Variants in ANKRD42 observed in about 807,000 individuals in gnomAD.
ANKRD42 encodes the protein ankyrin repeat domain-containing protein 42.
ANKRD42 carries 43 observed loss-of-function variants against 51.5 expected under a neutral mutation model. That is an observed-to-expected ratio of 0.83 (90% CI 0.65 to 1.08). ANKRD42 has a LOEUF of 1.08. Among genes scored for constraint, ANKRD42 ranks in the 50% least tolerant of loss-of-function variants. The pLI, the probability that ANKRD42 is intolerant of heterozygous loss-of-function variation, is 0.00. For synonymous variants in ANKRD42, 203 were observed against 213.0 expected (o/e 0.95, Z 0.41); for missense variants, 608 against 629.3 (o/e 0.97, Z 0.36).
intron 5 of ANKRD42, among the ~76,000 whole-genome samples, chr11:83,220,291 T>C (rs1029691837): frequency 5.9e-5 from 9 of 152,224 alleles, no homozygotes; most frequent in Non-Finnish European, 2.9e-5. Context: ...CCTGTGTCTT[T>C]AGTCTGGCGG....
Position 83,240,724 on chromosome 11 carries a change from T to C in ANKRD42, c.1020-35T>C, listed in dbSNP as rs374066723. 1.9e-6 allele frequency: 3 copies of C among 1,610,002 alleles called. No individual in the cohort carries two copies. In the African/African-American group the frequency reaches 4.0e-5, roughly 22 times the overall value. On this transcript the variant is annotated intron_variant, in intron 8 of 10. Coordinates refer to ENST00000533342, the MANE Select transcript of ANKRD42 (RefSeq NM_001300975.2). ...GCTGCAGTTTCAGTTTGAAGAAGATTGTGGATCTGGTTAGTTATTGATTCT... is the reference window on the plus strand; with the variant it reads ...GCTGCAGTTTCAGTTTGAAGAAGATCGTGGATCTGGTTAGTTATTGATTCT...
intron 3 of ANKRD42, chr11:83,209,721 CT>C (rs1862231302): frequency 7.3e-6 from 5 of 687,920 alleles, no homozygotes; most frequent in Non-Finnish European, 1.3e-5. Context: ...TTTTTGTTGC[CT>C]TCTTGTTTCT....
At chr11:83,253,504 C>T (rs1863710025), downstream of ANKRD42, among the ~76,000 whole-genome samples, 1 of 152,002 alleles carries the variant, frequency 6.6e-6, no homozygotes, top group Non-Finnish European at 1.5e-5. Context: ...ATCTGTTCGA[C>T]AAACCTGTTC....
intron 7 of ANKRD42, among the ~76,000 whole-genome samples, chr11:83,233,406 A>G (rs547876890): frequency 5.4e-4 from 82 of 152,022 alleles, no homozygotes; most frequent in Non-Finnish European, 9.3e-4. Flanking sequence ...TGATCCATTG[A>G]ATTTCTGCAG....
intron 3 of ANKRD42, among the ~76,000 whole-genome samples, chr11:83,207,970 T>G (rs1048546022): frequency 6.6e-6 from 1 of 152,018 alleles, no homozygotes; most frequent in Admixed American, 6.6e-5. Flanking sequence ...AGAAAGAGAG[T>G]TTTTCCCCCC....
At chr11:83,226,742 A>G (rs1466674505) in intron 6 of ANKRD42, among the ~76,000 whole-genome samples, 1 of 152,148 alleles carries the variant, frequency 6.6e-6, no homozygotes, top group Non-Finnish European at 1.5e-5. Flanking sequence ...TGAGCCCAGG[A>G]GTTCAAAGTT....
At chr11:83,220,602 G>A (rs764124074) in intron 5 of ANKRD42, among the ~76,000 whole-genome samples, 1 of 152,190 alleles carries the variant, frequency 6.6e-6, no homozygotes, top group African/African-American at 2.4e-5. Flanking sequence ...AAGGGGTCCC[G>A]AATGGGTAGC....
At chr11:83,209,507 T>A in intron 3 of ANKRD42, 2 of 1,091,568 alleles carry the variant, frequency 1.8e-6, no homozygotes, top group Admixed American at 1.7e-5. Context: ...TAAAACCCAT[T>A]TGATGTCTGA....
rs1396200437 is a variant in ANKRD42, at chr11:83,194,666, GC to G, written c.-4del. The G allele has an allele frequency of 3.7e-6, 6 of 1,613,784 alleles. No individual in the cohort carries two copies. Among genetic ancestry groups the G allele is most frequent in the African/African-American group, 1.3e-5 (1 of 74,916 alleles). On this transcript the variant is annotated 5_prime_UTR_variant, in exon 1 of 11. Coordinates refer to ENST00000533342, the MANE Select transcript of ANKRD42 (RefSeq NM_001300975.2). ...ACTCCTCCCCAGAGTCGGAGGTGTT[GC>G]GCCATGCCCGGGGTGGCCAATTCAG... is the stretch of plus-strand genomic sequence containing the variant.
rs182152762 is a variant in ANKRD42 at position 83,202,011 on chromosome 11, T to C, written c.222+3369T>C. ...CTTTAGTTTAATTAAATCCTATTTG[T>C]CAATGTTGGCTTTTGTTGCAATTGC... On this transcript the variant is annotated intron_variant, in intron 2 of 10. Coordinates refer to ENST00000533342, the MANE Select transcript of ANKRD42 (RefSeq NM_001300975.2). Among the ~76,000 whole-genome samples the C allele has an allele frequency of 1.4e-3, 219 of 152,340 alleles. 1 individual carries two copies. The highest frequency in any genetic ancestry group is 5.1e-3 in the African/African-American group (213 of 41,580).
chr11:83,227,639 C>T (rs1862930276), intron 6 of ANKRD42, 108 bp from the exon 7 acceptor site: 3 of 1,180,456 alleles, frequency 2.5e-6, no homozygotes, highest in Non-Finnish European at 3.5e-6. Flanking sequence ...CCGATTACAA[C>T]AGCCTTATAT....
intron 1 of ANKRD42, among the ~76,000 whole-genome samples, chr11:83,197,720 A>G (rs1411281518): frequency 6.6e-6 from 1 of 152,244 alleles, no homozygotes; most frequent in Non-Finnish European, 1.5e-5. Flanking sequence ...CCTCTGGTTC[A>G]CAATGCTTAT....
At chr11:83,218,231 C>T (rs1028124500) in intron 5 of ANKRD42, among the ~76,000 whole-genome samples, 7 of 152,180 alleles carry the variant, frequency 4.6e-5, no homozygotes, top group Admixed American at 1.3e-4. Flanking sequence ...CTCAACCCTT[C>T]TAAAATGCAA....
intron 3 of ANKRD42, 71 bp downstream of exon 3, chr11:83,206,236 T>G: frequency 8.1e-7 from 1 of 1,238,322 alleles, no homozygotes; most frequent in Non-Finnish European, 1.2e-6. Context: ...GCTATTATTC[T>G]AATTATTTGA....
At chr11:83,253,332 GTC>G (rs1863707219), downstream of ANKRD42, among the ~76,000 whole-genome samples, 1 of 152,206 alleles carries the variant, frequency 6.6e-6, no homozygotes, top group African/African-American at 2.4e-5. Flanking sequence ...GTTAAGAAGA[GTC>G]TGTACTGGTA....
At chr11:83,264,156 A>G (rs1055933429), downstream of ANKRD42, among the ~76,000 whole-genome samples, 1 of 152,184 alleles carries the variant, frequency 6.6e-6, no homozygotes, top group East Asian at 1.9e-4. Context: ...TCAATACAGT[A>G]TTGTCCTTAA....
intron 7 of ANKRD42, among the ~76,000 whole-genome samples, chr11:83,231,185 G>A (rs765347387): frequency 5.3e-5 from 8 of 152,138 alleles, no homozygotes; most frequent in East Asian, 1.9e-4. Flanking sequence ...AACAGTGTAC[G>A]AGGGCTCCCT....
intron 10 of ANKRD42, among the ~76,000 whole-genome samples, chr11:83,246,806 A>C (rs1863555129): frequency 6.6e-6 from 1 of 152,224 alleles, no homozygotes; most frequent in South Asian, 2.1e-4. Flanking sequence ...TTAAGCTGAC[A>C]TTTGGCTCTA....
rs200518936 is a variant in ANKRD42, at chr11:83,211,401, A to C, written c.557A>C (p.Glu186Ala). The change falls in exon 5 of 11, where the codon GAA becomes GCA. Residue 186 changes from glutamate (E) to alanine (A), a missense_variant. Coordinates refer to ENST00000533342, the MANE Select transcript of ANKRD42 (RefSeq NM_001300975.2). ...CTTGTTAAATGGGGTTGTAGCATAG[A>C]AGATGTGGACTACAATGGAAACCTT... is the stretch of plus-strand genomic sequence containing the variant. ...QLLVKWGCSI[E>A]DVDYNGNLPV... 70 of 1,614,084 alleles carry C rather than the reference A, an allele frequency of 4.3e-5. No individual in the cohort carries two copies. The highest frequency in any genetic ancestry group is 5.7e-5 in the Non-Finnish European group (67 of 1,180,022).
Sources: gnomAD v4.1 joint callset for allele counts (sites outside exome capture counted in the v4.1 genomes callset) on GRCh38, gnomAD v4.1.1 for gene constraint, MANE v1.5 for transcripts, NCBI Gene and HGNC (gene_info 2026-07-23, HGNC 2026-07-21) for gene names.